DUSP4: variants seen among roughly 807,000 people sequenced by gnomAD.
DUSP4 encodes dual specificity phosphatase 4.
Under a neutral mutation model 27.2 loss-of-function variants are expected in DUSP4, and 12 were observed. That is an observed-to-expected ratio of 0.44 (90% confidence interval 0.28 to 0.71). DUSP4 has a LOEUF of 0.71. DUSP4 is among the 30% of genes least tolerant of loss of function. The probability of loss-of-function intolerance (pLI) is 0.14; values close to 1 mark genes in which losing one functional copy is unlikely to be tolerated. For synonymous variants in DUSP4, 257 were observed against 245.2 expected, an observed-to-expected ratio of 1.05 and a Z score of -0.45; for missense variants, 448 against 551.3, an observed-to-expected ratio of 0.81 and a Z score of 1.88.
rs758151716 is a variant in DUSP4, at chr8:29,338,497, C to A, written c.584G>T (p.Gly195Val). The A allele has an allele frequency of 6.2e-7, 1 of 1,612,378 alleles. No individual in the cohort carries two copies. Among genetic ancestry groups the A allele is most frequent in the South Asian group, 1.1e-5 (1 of 90,886 alleles). Residue 195 changes from glycine to valine, a missense_variant, in exon 3 of 4, where the codon GGT becomes GTT. Physicochemically the swap from Gly to Val is moderately radical, Grantham distance 109 (BLOSUM62 -3). Around this residue, in one of 3 missense-constraint regions of DUSP4, gnomAD observed 345 missense variants for 394.0 expected, o/e 0.88. Coordinates refer to ENST00000240100, the MANE Select transcript of DUSP4 (RefSeq NM_001394.7). The part of the protein sequence containing the change: ...SCGTPLHDQG[G>V]PVEILPFLYL... Reference sequence around the variant, plus strand: ...GAGGAAGGGAAGGATCTCCACAGGACCCCCCTGCACAGAAAGGGAAACAAA... The same window carrying A: ...GAGGAAGGGAAGGATCTCCACAGGAACCCCCTGCACAGAAAGGGAAACAAA...
At chr8:29,340,818 C>G (rs921671322) in intron 1 of DUSP4, among the ~76,000 whole-genome samples, 1 of 152,194 alleles carries the variant, frequency 6.6e-6, no homozygotes, top group African/African-American at 2.4e-5. Flanking sequence ...TCTAAATAAA[C>G]CCCTCATGCT....
rs1817799698 is a variant in DUSP4 at position 29,350,069 on chromosome 8, G to A, written c.210C>T (p.Asn70=). 1 of 1,604,370 alleles carries A rather than the reference G, an allele frequency of 6.2e-7. No homozygotes were observed. The highest frequency in any genetic ancestry group is 8.5e-7 in the Non-Finnish European group (1 of 1,176,734). ...CCTTAGCCCGCCGCCGCACGATGGTGTTACAGCGCACGTTGACCGAACCTA... is the reference window on the plus strand; with the variant it reads ...CCTTAGCCCGCCGCCGCACGATGGTATTACAGCGCACGTTGACCGAACCTA... The part of the protein sequence containing the change: ...YILGSVNVRC[N]TIVRRRAKGS... The change falls in exon 1 of 4, where the codon AAC becomes AAT. Residue 70 remains asparagine (N), a synonymous_variant. Coordinates refer to ENST00000240100, the MANE Select transcript of DUSP4 (RefSeq NM_001394.7).
chr8:29,345,824 G>C, intron 1 of DUSP4: 5 of 1,156,168 alleles, frequency 4.3e-6, no homozygotes, highest in Non-Finnish European at 5.3e-6. Flanking sequence ...AATGTAAATG[G>C]TGTCTAACAT....
Position 29,337,423 on chromosome 8 carries a change from G to C in DUSP4, c.800-12C>G. ...GTCCTTCACGGCATCTGGGGACAGG[G>C]TTCAATAGGTTAGTGCACGTTTCTG... On this transcript the variant is annotated splice_polypyrimidine_tract_variant and intron_variant, in intron 3 of 3. Transcript: ENST00000240100. The surrounding 1 kb of genome is among the most constrained non-coding windows in gnomAD (Gnocchi z 6.4). 1 of 1,590,038 alleles carries C rather than the reference G, an allele frequency of 6.3e-7. No homozygotes were observed. The highest frequency in any genetic ancestry group is 8.5e-7 in the Non-Finnish European group (1 of 1,171,782).
In DUSP4 at chr8:29,336,075, TGTC is replaced by T. The variant is rs1817567721; in HGVS notation, c.*948_*950del. 3 of 149,570 alleles carry T rather than the reference TGTC, an allele frequency of 2.0e-5. No homozygotes were observed. Among genetic ancestry groups the T allele is most frequent in the African/African-American group, 7.7e-5 (3 of 39,002 alleles). The allele number at this position is 149,570 out of a possible 1,614,324, so 9.3% of individuals were successfully genotyped here. A position where few individuals can be genotyped will look rare whatever the true frequency, so the allele number is the denominator to read the frequency against. Reference sequence around the variant, plus strand: ...GAGCCTTGGCAACATAGTGAGATGCTGTCTTTTTTTTTCTTTTCTTTTTTTTTA... The same window carrying T: ...GAGCCTTGGCAACATAGTGAGATGCTTTTTTTTTTCTTTTCTTTTTTTTTA... On this transcript the variant is annotated 3_prime_UTR_variant, in exon 4 of 4. Transcript: ENST00000240100.
chr8:29,337,380 C>A lies in DUSP4; in HGVS notation c.831G>T (p.Leu277=). Residue 277 remains leucine, a synonymous_variant, in exon 4 of 4, where the codon CTG becomes CTT. Coordinates refer to ENST00000240100, the MANE Select transcript of DUSP4 (RefSeq NM_001394.7). This position sits in a 1 kb window ranked among gnomAD's most constrained non-coding sequence, Gnocchi z 6.4. ...DAVKDCRGRV[L]VHCQAGISRS... ...GCGAGATGCCCGCCTGGCAGTGCAC[C>A]AGCACGCGCCCACGGCAGTCCTTCA... The A allele has an allele frequency of 1.2e-6, 2 of 1,609,082 alleles. No individual in the cohort carries two copies. Among genetic ancestry groups the A allele is most frequent in the Non-Finnish European group, 1.7e-6 (2 of 1,179,690 alleles).
intron 1 of DUSP4, chr8:29,345,698 C>T: frequency 7.1e-7 from 1 of 1,403,780 alleles, no homozygotes; most frequent in Non-Finnish European, 9.2e-7. Flanking sequence ...GAGCCCACCT[C>T]TCCTATAAGC....
In DUSP4 at chr8:29,350,182, T is replaced by TGCCGCAGCCGCCCGCGCC; in HGVS notation, c.96_97insGGCGCGGGCGGCTGCGGC (p.Gly32_Ser33insGlyAlaGlyGlyCysGly). On this transcript the variant is annotated inframe_insertion, in exon 1 of 4. Coordinates refer to ENST00000240100, the MANE Select transcript of DUSP4 (RefSeq NM_001394.7). Reference sequence around the variant, plus strand: ...CTCGGCAGCCCCAGGGTGCCGTGGCTGCCGCTGCCGCCCGCGCCGCCGCCA... The same window carrying TGCCGCAGCCGCCCGCGCC: ...CTCGGCAGCCCCAGGGTGCCGTGGCTGCCGCAGCCGCCCGCGCCGCCGCTGCCGCCCGCGCCGCCGCCA... The TGCCGCAGCCGCCCGCGCC allele has an allele frequency of 6.2e-7, 1 of 1,607,292 alleles. No homozygotes were observed. Among genetic ancestry groups the TGCCGCAGCCGCCCGCGCC allele is most frequent in the East Asian group, 2.2e-5 (1 of 44,766 alleles).
At chr8:29,345,417 A>T (rs1183668920) in intron 1 of DUSP4, 3 of 1,613,940 alleles carry the variant, frequency 1.9e-6, no homozygotes, top group Non-Finnish European at 2.5e-6. Flanking sequence ...CAGCTGGCTG[A>T]CACCTAACGC....
Position 29,333,081 on chromosome 8 carries a change from A to AT in DUSP4, c.*3944dup, listed in dbSNP as rs1179362130. 6.6e-6 allele frequency: 1 copy of AT among 152,048 alleles called. No individual in the cohort carries two copies. Among genetic ancestry groups the AT allele is most frequent in the African/African-American group, 2.4e-5 (1 of 41,392 alleles). The allele number at this position is 152,048 out of a possible 1,614,324, so 9.4% of individuals were successfully genotyped here. A position where few individuals can be genotyped will look rare whatever the true frequency, so the allele number is the denominator to read the frequency against. On this transcript the variant is annotated 3_prime_UTR_variant, in exon 4 of 4. Coordinates refer to ENST00000240100, the MANE Select transcript of DUSP4 (RefSeq NM_001394.7). ...GCCAGAAGTGGTTGAAAATGTATTTATTTTTTTCAAATGATCTTTTTCAAG... is the reference window on the plus strand; with the variant it reads ...GCCAGAAGTGGTTGAAAATGTATTTATTTTTTTTCAAATGATCTTTTTCAAG...
At position 29,334,187 on chromosome 8, in the gene DUSP4, C is replaced by G. The variant is rs6993871; in HGVS notation, c.*2839G>C. On this transcript the variant is annotated 3_prime_UTR_variant, in exon 4 of 4. Coordinates refer to ENST00000240100, the MANE Select transcript of DUSP4 (RefSeq NM_001394.7). ...AGCATCCTGTCTTTCATGGCTAATA[C>G]CAAAGTTGACAATCAATGAGGGTCA... 0.092 allele frequency: 13,962 copies of G among 152,184 alleles called. 1,006 individuals carry two copies. Among genetic ancestry groups the G allele is most frequent in the African/African-American group, 0.19 (7,886 of 41,470 alleles). 9.4% of individuals were successfully genotyped at this position (152,184 alleles called of 1,614,324 possible). A position where few individuals can be genotyped will look rare whatever the true frequency, so the allele number is the denominator to read the frequency against.
intron 1 of DUSP4, 150 bp downstream of exon 1, chr8:29,349,696 C>T (rs1185507750): frequency 1.7e-6 from 2 of 1,157,310 alleles, no homozygotes; most frequent in Non-Finnish European, 2.3e-6. Context: ...ACCTTGCAAA[C>T]CCCTACACAC....
At chr8:29,345,853 T>C in intron 1 of DUSP4, 1 of 1,061,262 alleles carries the variant, frequency 9.4e-7, no homozygotes, top group Non-Finnish European at 1.1e-6. Context: ...TGCTTCATTG[T>C]AAAAAATCAC....
In DUSP4 at chr8:29,337,210, A is replaced by G. The variant is rs1817588342; in HGVS notation, c.1001T>C (p.Val334Ala). Residue 334 changes from valine (V) to alanine (A), a missense_variant, in exon 4 of 4, where the codon GTG becomes GCG. Physicochemically the swap from Val to Ala is moderately conservative, Grantham distance 64 (BLOSUM62 0). Transcript: ENST00000240100. This position sits in a 1 kb window ranked among gnomAD's most constrained non-coding sequence, Gnocchi z 6.4. ...CTCCGCAGCACAGGACGTGGCCAGC[A>G]CCTGGGACTCGAACTGCAGCAGCTG... Reference protein sequence around the residue: ...MGQLLQFESQVLATSCAAEAA... With the variant: ...MGQLLQFESQALATSCAAEAA... 6.2e-7 allele frequency: 1 copy of G among 1,613,624 alleles called. No individual in the cohort carries two copies.
At chr8:29,340,307 T>C in intron 1 of DUSP4, 64 bp from the exon 2 acceptor site, 1 of 1,532,580 alleles carries the variant, frequency 6.5e-7, no homozygotes, top group Non-Finnish European at 8.8e-7. Context: ...CAGAAAGAAC[T>C]CGACTCCTAC....
chr8:29,349,821 G>T (rs2117279673), intron 1 of DUSP4, 25 bp downstream of exon 1: 3 of 1,474,764 alleles, frequency 2.0e-6, no homozygotes, highest in Non-Finnish European at 2.7e-6. Flanking sequence ...CCCGACTCCA[G>T]CTAGCGCCCG....
chr8:29,346,112 T>G, intron 1 of DUSP4: 1 of 980,456 alleles, frequency 1.0e-6, no homozygotes, highest in Non-Finnish European at 1.2e-6. Context: ...CACCAGAGTT[T>G]CCAGAGCTGT....
At position 29,350,160 on chromosome 8, in the gene DUSP4, G is replaced by C. The variant is rs1205812283; in HGVS notation, c.119C>G (p.Pro40Arg). 1.9e-6 allele frequency: 3 copies of C among 1,609,456 alleles called. No individual in the cohort carries two copies. Among genetic ancestry groups the C allele is most frequent in the Non-Finnish European group, 2.5e-6 (3 of 1,179,266 alleles). Reference sequence around the variant, plus strand: ...CAGCAGCAGGCACTTGCCGCCGCTCGGCAGCCCCAGGGTGCCGTGGCTGCC... The same window carrying C: ...CAGCAGCAGGCACTTGCCGCCGCTCCGCAGCCCCAGGGTGCCGTGGCTGCC... ...GSGSHGTLGL[P>R]SGGKCLLLDC... The change falls in exon 1 of 4, where the codon CCG becomes CGG. Residue 40 changes from proline to arginine, a missense_variant. Pro to Arg is a moderately radical substitution (Grantham distance 103). Transcript: ENST00000240100.
At chr8:29,345,866 G>C (rs1817726299) in intron 1 of DUSP4, 1 of 1,043,432 alleles carries the variant, frequency 9.6e-7, no homozygotes, top group East Asian at 8.8e-5. Flanking sequence ...AAAATCACCT[G>C]TAAGACCTAG....
Sources: gnomAD v4.1 joint callset for allele counts (sites outside exome capture counted in the v4.1 genomes callset) on GRCh38, gnomAD v4.1.1 for gene constraint, gnomAD v4.1.1 regional missense constraint, Gnocchi (gnomAD v3.1) non-coding constraint, MANE v1.5 for transcripts, NCBI Gene and HGNC (gene_info 2026-07-23, HGNC 2026-07-21) for gene names.